The following RGS6 variants were observed in gnomAD, a reference collection of about 807,000 sequenced individuals.
RGS6 encodes the protein regulator of G-protein signaling 6.
RGS6 carries 30 observed loss-of-function variants against 78.5 expected under a neutral mutation model. The observed-to-expected ratio is 0.38, with a 90% CI of 0.29 to 0.52. The LOEUF (loss-of-function observed/expected upper bound fraction) is 0.52. RGS6 is among the 20% of genes least tolerant of loss of function. RGS6 has a pLI of 0.85. For synonymous variants in RGS6, 206 were observed against 206.0 expected, an observed-to-expected ratio of 1.00 and a Z score of 0.00; for missense variants, 495 against 609.7, an observed-to-expected ratio of 0.81 and a Z score of 1.98.
intron 2 of RGS6, among the ~76,000 whole-genome samples, chr14:72,147,458 G>T (rs1017652394): frequency 2.6e-5 from 4 of 152,182 alleles, no homozygotes; most frequent in African/African-American, 9.7e-5. Context: ...GTGCACAAGA[G>T]AGAACAAAAG....
intron 2 of RGS6, among the ~76,000 whole-genome samples, chr14:72,209,234 C>T (rs1057468272): frequency 3.3e-5 from 5 of 152,066 alleles, no homozygotes; most frequent in African/African-American, 1.2e-4. Flanking sequence ...GAGTGAGACC[C>T]TATCTCAAAA....
At chr14:71,982,613 A>G (rs965777215) in intron 2 of RGS6, among the ~76,000 whole-genome samples, 8 of 152,084 alleles carry the variant, frequency 5.3e-5, no homozygotes, top group Admixed American at 1.3e-4. Context: ...TCTGACCTCT[A>G]ATTTTTGTCC....
Position 72,209,952 on chromosome 14 carries a change from G to A in RGS6, c.85-142143G>A, listed in dbSNP as rs557321027. ...ATCATTCAGTTTTATCTGCGTAATG[G>A]TCTTATCAAAACTAATTATTGCCAT... On this transcript the variant is annotated intron_variant, in intron 2 of 17. Transcript: ENST00000553525. Among the ~76,000 whole-genome samples the A allele has an allele frequency of 7.9e-5, 12 of 152,226 alleles. No homozygotes were observed. In the East Asian group the frequency reaches 2.1e-3, roughly 27 times the overall value.
chr14:71,992,375 A>G (rs2094995964), intron 2 of RGS6, among the ~76,000 whole-genome samples: 2 of 152,224 alleles, frequency 1.3e-5, no homozygotes, highest in African/African-American at 2.4e-5. Flanking sequence ...TCTTATTGAT[A>G]TATCATTATT....
chr14:71,914,838 T>A, the RGS6 span, among the ~76,000 whole-genome samples: 1 of 151,726 alleles, frequency 6.6e-6, no homozygotes, highest in Non-Finnish European at 1.5e-5. Context: ...ATTTTTGTGC[T>A]CACAAAGAAA....
At chr14:72,262,444 G>A (rs1247896300) in intron 2 of RGS6, among the ~76,000 whole-genome samples, 2 of 152,128 alleles carry the variant, frequency 1.3e-5, no homozygotes, top group Non-Finnish European at 2.9e-5. Context: ...GCTGTCTGGC[G>A]TCTCTTCCTC....
intron 2 of RGS6, among the ~76,000 whole-genome samples, chr14:72,181,232 C>G (rs1422928442): frequency 6.6e-6 from 1 of 152,156 alleles, no homozygotes; most frequent in Non-Finnish European, 1.5e-5. Context: ...ATTTTCCATC[C>G]CTTGACCTTC....
chr14:72,096,741 C>T (rs1250796602), intron 2 of RGS6, among the ~76,000 whole-genome samples: 1 of 152,112 alleles, frequency 6.6e-6, no homozygotes, highest in Non-Finnish European at 1.5e-5. Context: ...ACCAGGGGGG[C>T]TGCTGCAAAG....
intron 11 of RGS6, 138 bp from the exon 12 acceptor site, chr14:72,478,130 C>T (rs988177754): frequency 1.6e-6 from 1 of 641,846 alleles, no homozygotes. Flanking sequence ...TGCTGGAGGG[C>T]AGAGCTGAGG....
intron 2 of RGS6, among the ~76,000 whole-genome samples, chr14:72,320,925 ATATAT>A (rs1267536868): frequency 6.7e-6 from 1 of 149,856 alleles, no homozygotes; most frequent in Non-Finnish European, 1.5e-5. Flanking sequence ...TAGTAAATTA[ATATAT>A]TTACTAAATA....
chr14:72,421,995 G>A (rs1184681762), intron 3 of RGS6, among the ~76,000 whole-genome samples: 1 of 152,192 alleles, frequency 6.6e-6, no homozygotes, highest in Non-Finnish European at 1.5e-5. Context: ...CCTGGTGGGT[G>A]GTAATTGAAT....
chr14:72,624,336 T>C, the RGS6 span, among the ~76,000 whole-genome samples: 1 of 141,372 alleles, frequency 7.1e-6, no homozygotes, highest in Admixed American at 7.0e-5. Context: ...TATGTCTCTT[T>C]TTTTTTTTTT....
chr14:72,303,726 T>C (rs1300078259), intron 2 of RGS6, among the ~76,000 whole-genome samples: 1 of 152,140 alleles, frequency 6.6e-6, no homozygotes, highest in Non-Finnish European at 1.5e-5. Context: ...CTATTATTTG[T>C]TTTGTGTTGT....
At chr14:72,484,052 T>C (rs1174205639) in intron 12 of RGS6, among the ~76,000 whole-genome samples, 17 of 152,200 alleles carry the variant, frequency 1.1e-4, no homozygotes, top group Admixed American at 1.1e-3. Context: ...CTGCTTCTCA[T>C]TTTCCTTTCT....
rs1472014465 is a variant in RGS6 at position 72,053,001 on chromosome 14, CTCTCTT to C, written c.84+88130_84+88135del. On this transcript the variant is annotated intron_variant, in intron 2 of 17. Coordinates refer to ENST00000553525, the MANE Select transcript of RGS6 (RefSeq NM_001204424.2). ...TCTTTCTTTCTCTCTCTCTCTCTCTCTCTCTTTCTTTCCTTCTTTCTTTCTTTCCCC... is the reference window on the plus strand; with the variant it reads ...TCTTTCTTTCTCTCTCTCTCTCTCTCTCTTTCCTTCTTTCTTTCTTTCCCC... 1.4e-3 allele frequency among the ~76,000 whole-genome samples: 156 copies of C among 109,330 alleles called. 3 individuals are homozygous for C. Among genetic ancestry groups the C allele is most frequent in the Middle Eastern group, 4.6e-3 (1 of 218 alleles). The allele number at this position is 109,330 out of a possible 152,430, so 71.7% of individuals were successfully genotyped here.
At chr14:72,619,227 C>G in the RGS6 span, 3 of 1,446,542 alleles carry the variant, frequency 2.1e-6, no homozygotes, top group Admixed American at 2.1e-5. Context: ...GGGAGGAGGG[C>G]GCGTTCTGGT....
rs145492445 is a variant in RGS6, at chr14:72,225,470, T to G, written c.85-126625T>G. 1.6e-4 allele frequency among the ~76,000 whole-genome samples: 24 copies of G among 152,236 alleles called. 1 individual carries two copies. The highest frequency in any genetic ancestry group is 5.8e-4 in the African/African-American group (24 of 41,548). On this transcript the variant is annotated intron_variant, in intron 2 of 17. Coordinates refer to ENST00000553525, the MANE Select transcript of RGS6 (RefSeq NM_001204424.2). ...TCCTGGGTAACTGGGGCTACAGGCA[T>G]GCATCACCATGCCTGGCTAATTTTT...
intron 2 of RGS6, among the ~76,000 whole-genome samples, chr14:72,246,974 C>T (rs973047371): frequency 2.6e-5 from 4 of 151,362 alleles, no homozygotes; most frequent in African/African-American, 7.3e-5. Flanking sequence ...AAATGATCCT[C>T]TCTGGCTGTC....
At chr14:72,260,340 C>G (rs899944598) in intron 2 of RGS6, among the ~76,000 whole-genome samples, 4 of 152,138 alleles carry the variant, frequency 2.6e-5, no homozygotes, top group Non-Finnish European at 5.9e-5. Context: ...ATGGGGCTTT[C>G]CCAATTATCA....
Sources: gnomAD v4.1 joint callset for allele counts (sites outside exome capture counted in the v4.1 genomes callset) on GRCh38, gnomAD v4.1.1 for gene constraint, MANE v1.5 for transcripts, NCBI Gene and HGNC (gene_info 2026-07-23, HGNC 2026-07-21) for gene names.